The following WNK1 variants were observed in gnomAD, a reference collection of about 807,000 sequenced individuals.
The protein encoded by WNK1 is WNK lysine deficient protein kinase 1, also known as serine/threonine-protein kinase WNK1.
WNK1 carries 38 observed loss-of-function variants against 222.8 expected under a neutral mutation model. That is an observed-to-expected ratio of 0.17 (90% confidence interval 0.13 to 0.22). The LOEUF is 0.22. Among genes scored for constraint, WNK1 ranks in the 10% least tolerant of loss-of-function variants. The pLI is 1.00. For synonymous variants in WNK1, 1,090 were observed against 1,092.9 expected (o/e 1.00, Z 0.05); for missense variants, 2,348 against 2,918.4 (o/e 0.80, Z 4.50).
chr12:904,974 C>A (rs914222412), intron 26 of WNK1, among the ~76,000 whole-genome samples: 3 of 152,160 alleles, frequency 2.0e-5, no homozygotes, highest in Non-Finnish European at 4.4e-5. Context: ...GAGAAGGCCA[C>A]TTACAGTGTT....
chr12:855,630 C>T (rs1046954671), intron 4 of WNK1, among the ~76,000 whole-genome samples: 1 of 152,142 alleles, frequency 6.6e-6, no homozygotes, highest in African/African-American at 2.4e-5. Flanking sequence ...GACCACCCCA[C>T]CCCAACTCCA....
intron 4 of WNK1, among the ~76,000 whole-genome samples, chr12:853,535 T>C (rs574985958): frequency 2.2e-4 from 34 of 152,332 alleles, no homozygotes; most frequent in Admixed American, 1.5e-3. Context: ...ACAGGTGTTA[T>C]CATTATTGGC....
chr12:868,701 A>G lies in WNK1; in HGVS notation c.2140-2564A>G, dbSNP rs1443878718. 3.1e-6 allele frequency: 5 copies of G among 1,613,970 alleles called. No individual in the cohort carries two copies. The South Asian group carries it at 5.5e-5, about 18-fold the overall frequency. ...ATTTTACCTCAGCGTGTTTACCGAA[A>G]TCGGCAGGTTGCAGTGGACTTGAAT... On this transcript the variant is annotated intron_variant, in intron 8 of 27. Coordinates refer to ENST00000315939, the MANE Select transcript of WNK1 (RefSeq NM_018979.4).
chr12:858,588 C>T (rs551375122), intron 5 of WNK1, among the ~76,000 whole-genome samples: 1 of 152,182 alleles, frequency 6.6e-6, no homozygotes, highest in Admixed American at 6.5e-5. Flanking sequence ...TTGCCCAGTA[C>T]ACAAATTATT....
At chr12:843,344 GT>G (rs1200719014) in intron 4 of WNK1, among the ~76,000 whole-genome samples, 1 of 152,048 alleles carries the variant, frequency 6.6e-6, no homozygotes, top group African/African-American at 2.4e-5. Context: ...CTACTTTACC[GT>G]ATTATAAATT....
intron 4 of WNK1, among the ~76,000 whole-genome samples, chr12:850,830 C>CT (rs1324130039): frequency 6.6e-6 from 1 of 152,232 alleles, no homozygotes; most frequent in Admixed American, 6.5e-5. Flanking sequence ...ATAGGGAATC[C>CT]TTTCCCTATT....
chr12:791,763 C>T (rs894596397), intron 1 of WNK1, among the ~76,000 whole-genome samples: 1 of 151,794 alleles, frequency 6.6e-6, no homozygotes, highest in Non-Finnish European at 1.5e-5. Flanking sequence ...TAAATGATGC[C>T]CTTTCTTGAT....
intron 1 of WNK1, among the ~76,000 whole-genome samples, chr12:755,410 G>A (rs1303133850): frequency 2.0e-5 from 3 of 152,172 alleles, no homozygotes; most frequent in African/African-American, 7.2e-5. Flanking sequence ...ATGTTAACAC[G>A]TAACCCTTTG....
At chr12:834,924 A>G (rs1949066276) in intron 4 of WNK1, among the ~76,000 whole-genome samples, 2 of 152,228 alleles carry the variant, frequency 1.3e-5, no homozygotes, top group Non-Finnish European at 2.9e-5. Flanking sequence ...ATTGATAAAC[A>G]CTATTATGTA....
At chr12:757,306 ATTC>A (rs1306594932) in intron 1 of WNK1, among the ~76,000 whole-genome samples, 2 of 120,688 alleles carry the variant, frequency 1.7e-5, no homozygotes, top group African/African-American at 5.8e-5. Flanking sequence ...ACAAGCATCA[ATTC>A]TTTTTTTTTT....
chr12:896,184 T>C lies in WNK1; in HGVS notation c.5697T>C (p.Ser1899=), dbSNP rs778453551. The C allele has an allele frequency of 4.4e-5, 71 of 1,614,070 alleles. 1 individual carries two copies. The Middle Eastern group carries it at 6.6e-4, about 15-fold the overall frequency. ...AGTCCTCAGTGCTATCAAGTAGTAG[T>C]CCAGAGAGTACCTTGGTGAAACCAG... ...TSESSVLSSS[S]PESTLVKPEP... Residue 1899 remains serine (S), a synonymous_variant, in exon 24 of 28, where the codon AGT becomes AGC. Coordinates refer to ENST00000315939, the MANE Select transcript of WNK1 (RefSeq NM_018979.4).
At position 911,400 on chromosome 12, in the gene WNK1, T is replaced by G. The variant is rs1033041598; in HGVS notation, c.*2608T>G. The G allele has an allele frequency of 2.5e-6, 1 of 398,574 alleles. No individual in the cohort carries two copies. Among genetic ancestry groups the G allele is most frequent in the African/African-American group, 2.1e-5 (1 of 48,764 alleles). 24.7% of individuals were successfully genotyped at this position (398,574 alleles called of 1,614,324 possible). On this transcript the variant is annotated 3_prime_UTR_variant, in exon 28 of 28. Transcript: ENST00000315939. ...CGCTTTGTGCTTCAGTTTGTTACCT[T>G]TGTAGACTTATTTAATGAAACCATT...
chr12:891,795 T>C (rs1021117311), intron 22 of WNK1, among the ~76,000 whole-genome samples: 8 of 151,830 alleles, frequency 5.3e-5, no homozygotes, highest in Non-Finnish European at 8.8e-5. Context: ...CCAGCTGTGG[T>C]GGTGTATGCC....
intron 4 of WNK1, among the ~76,000 whole-genome samples, chr12:833,094 C>G (rs533081809): frequency 1.3e-5 from 2 of 150,820 alleles, no homozygotes; most frequent in Non-Finnish European, 2.9e-5. Context: ...TTGTAGAAAA[C>G]TTAAGAGGTA....
intron 4 of WNK1, among the ~76,000 whole-genome samples, chr12:832,710 A>G (rs1056705961): frequency 1.3e-5 from 2 of 152,232 alleles, no homozygotes; most frequent in Non-Finnish European, 2.9e-5. Flanking sequence ...GTGTATGTCT[A>G]CAAGTGTCTG....
chr12:907,689 G>A (rs1221443708), intron 26 of WNK1, 158 bp from the exon 27 acceptor site: 1 of 896,810 alleles, frequency 1.1e-6, no homozygotes, highest in African/African-American at 1.8e-5. Context: ...CAAAACAAAT[G>A]GCTAAACAAA....
intron 1 of WNK1, among the ~76,000 whole-genome samples, chr12:762,808 G>A (rs1338466333): frequency 1.4e-5 from 2 of 146,378 alleles, no homozygotes; most frequent in Non-Finnish European, 3.1e-5. Flanking sequence ...GTGCAATGGC[G>A]CGATCTCGGC....
At chr12:870,018 ATATT>A (rs1952007545) in intron 8 of WNK1, among the ~76,000 whole-genome samples, 1 of 152,210 alleles carries the variant, frequency 6.6e-6, no homozygotes. Flanking sequence ...TTCATTTGGT[ATATT>A]TTATCAAATG....
At chr12:881,527 T>A in intron 12 of WNK1, 165 bp from the exon 13 acceptor site, 1 of 679,450 alleles carries the variant, frequency 1.5e-6, no homozygotes. Context: ...CCTTTGGAAT[T>A]TTAAGACCAT....
Sources: gnomAD v4.1 joint callset for allele counts (sites outside exome capture counted in the v4.1 genomes callset) on GRCh38, gnomAD v4.1.1 for gene constraint, MANE v1.5 for transcripts, NCBI Gene and HGNC (gene_info 2026-07-23, HGNC 2026-07-21) for gene names.